Variants in TENM3 observed in about 807,000 individuals in gnomAD.
TENM3 encodes teneurin-3.
A neutral mutation model predicts 255.1 loss-of-function variants in TENM3; 63 were observed. That is an observed-to-expected ratio of 0.25 (90% confidence interval 0.20 to 0.30). The LOEUF is 0.30. TENM3 is among the 10% of genes least tolerant of loss of function. The pLI, the probability that TENM3 is intolerant of heterozygous loss-of-function variation, is 1.00. For synonymous variants in TENM3, 1,306 were observed against 1,322.3 expected (o/e 0.99, Z 0.27); for missense variants, 2,929 against 3,461.1 (o/e 0.85, Z 3.86).
chr4:182,390,046 AT>A (rs1768318564), intron 3 of TENM3, among the ~76,000 whole-genome samples: 1 of 152,174 alleles, frequency 6.6e-6, no homozygotes, highest in Non-Finnish European at 1.5e-5. Flanking sequence ...GAGGGTGCAC[AT>A]AGCCCACCTC....
At chr4:181,805,499 A>G in the TENM3 span, among the ~76,000 whole-genome samples, 1 of 152,132 alleles carries the variant, frequency 6.6e-6, no homozygotes, top group Non-Finnish European at 1.5e-5. Context: ...ATTTCCTTGC[A>G]GAATCCGCAG....
the TENM3 span, among the ~76,000 whole-genome samples, chr4:181,599,261 CTTCG>C: frequency 1.3e-5 from 2 of 152,192 alleles, no homozygotes; most frequent in Non-Finnish European, 2.9e-5. Context: ...CCATTATTCC[CTTCG>C]TTCTGTGCAA....
At position 182,792,422 on chromosome 4, in the gene TENM3, C is replaced by T; in HGVS notation, c.5750C>T (p.Pro1917Leu). ...GGCTACTACCGCAACATATACAACCCCCCGGAAAGCAACGCCTCCATCATC... is the reference window on the plus strand; with the variant it reads ...GGCTACTACCGCAACATATACAACCTCCCGGAAAGCAACGCCTCCATCATC... ...SIGYYRNIYN[P>L]PESNASIITD... Residue 1917 changes from proline to leucine, a missense_variant, in exon 26 of 28, where the codon CCC (proline) becomes CTC (leucine). Transcript: ENST00000511685. This position sits in a 1 kb window ranked among gnomAD's most constrained non-coding sequence, Gnocchi z 6.3. 6.2e-7 allele frequency: 1 copy of T among 1,614,050 alleles called. No individual in the cohort carries two copies.
intron 4 of TENM3, among the ~76,000 whole-genome samples, chr4:182,605,034 G>A (rs1748272577): frequency 6.6e-6 from 1 of 152,120 alleles, no homozygotes; most frequent in Non-Finnish European, 1.5e-5. Flanking sequence ...TCTTTAAAAT[G>A]GTTGTAGGGA....
intron 12 of TENM3, among the ~76,000 whole-genome samples, chr4:182,690,107 A>G (rs1295031720): frequency 6.6e-6 from 1 of 151,596 alleles, no homozygotes; most frequent in Non-Finnish European, 1.5e-5. Context: ...AAATTTCCAG[A>G]TGCCAGCCAA....
chr4:181,448,888 T>A, the TENM3 span, among the ~76,000 whole-genome samples: 1 of 152,208 alleles, frequency 6.6e-6, no homozygotes, highest in African/African-American at 2.4e-5. Flanking sequence ...TATTAGACAC[T>A]TTATAAACAA....
At chr4:182,191,245 A>G (rs1416375595) in intron 1 of TENM3, among the ~76,000 whole-genome samples, 1 of 152,154 alleles carries the variant, frequency 6.6e-6, no homozygotes, top group African/African-American at 2.4e-5. Context: ...TAGCATTCAA[A>G]GCTCTCTTTA....
In TENM3 at chr4:182,653,870, T is replaced by G; in HGVS notation, c.1088T>G (p.Val363Gly). Residue 363 changes from valine to glycine, a missense_variant, in exon 6 of 28, where the codon GTG (valine) becomes GGG (glycine). This residue lies in a region of TENM3 where 1,608 missense variants were observed against 1,884.4 expected (regional missense o/e 0.85). Coordinates refer to ENST00000511685, the MANE Select transcript of TENM3 (RefSeq NM_001080477.4). ...VNSDTMPTNT[V>G]SLPSGDNGKL... ...TCTGATACCATGCCAACAAACACTGTGTCATTACCTTCTGGAGACAATGGT... is the reference window on the plus strand; with the variant it reads ...TCTGATACCATGCCAACAAACACTGGGTCATTACCTTCTGGAGACAATGGT... The G allele has an allele frequency of 6.2e-7, 1 of 1,612,638 alleles. No homozygotes were observed. The highest frequency in any genetic ancestry group is 8.5e-7 in the Non-Finnish European group (1 of 1,179,280).
At chr4:181,568,511 T>C in the TENM3 span, among the ~76,000 whole-genome samples, 23 of 152,192 alleles carry the variant, frequency 1.5e-4, no homozygotes, top group African/African-American at 5.3e-4. Flanking sequence ...CTTTTACTGC[T>C]ACCATCTTGG....
intron 3 of TENM3, among the ~76,000 whole-genome samples, chr4:182,476,133 C>T (rs926007646): frequency 2.0e-5 from 3 of 152,158 alleles, no homozygotes; most frequent in Non-Finnish European, 4.4e-5. Flanking sequence ...ATGACCTACA[C>T]TTGATTAAGT....
the TENM3 span, among the ~76,000 whole-genome samples, chr4:181,862,679 C>T: frequency 6.6e-6 from 1 of 152,070 alleles, no homozygotes; most frequent in African/African-American, 2.4e-5. Flanking sequence ...GGAATAAAAA[C>T]GATGTGTTTT....
At chr4:181,530,323 A>T in the TENM3 span, among the ~76,000 whole-genome samples, 1 of 152,224 alleles carries the variant, frequency 6.6e-6, no homozygotes, top group Non-Finnish European at 1.5e-5. Flanking sequence ...TATTTCAAGT[A>T]ATGATCTTAG....
At chr4:182,607,077 A>G (rs1748506775) in intron 4 of TENM3, among the ~76,000 whole-genome samples, 1 of 152,216 alleles carries the variant, frequency 6.6e-6, no homozygotes, top group South Asian at 2.1e-4. Context: ...ACTCAAAATG[A>G]TTTATAAGTG....
At chr4:181,545,915 T>C in the TENM3 span, among the ~76,000 whole-genome samples, 1 of 152,150 alleles carries the variant, frequency 6.6e-6, no homozygotes. Context: ...ATAAAGAAGA[T>C]CCACTGAGAA....
chr4:182,107,819 C>T, the TENM3 span, among the ~76,000 whole-genome samples: 3,677 of 152,208 alleles, frequency 0.024, 136 homozygotes, highest in African/African-American at 0.084. Flanking sequence ...CAGTCAGAGC[C>T]ACTGTATAAC....
chr4:182,666,975 C>T (rs1027443002), intron 6 of TENM3, among the ~76,000 whole-genome samples: 2 of 152,050 alleles, frequency 1.3e-5, no homozygotes, highest in Non-Finnish European at 2.9e-5. Flanking sequence ...TTTATATGCA[C>T]TGGTAAACCA....
chr4:182,077,192 T>C, the TENM3 span, among the ~76,000 whole-genome samples: 2 of 152,190 alleles, frequency 1.3e-5, no homozygotes, highest in Non-Finnish European at 2.9e-5. Flanking sequence ...CAGAGTCTTT[T>C]GTTCTAAAAT....
At chr4:181,605,568 A>AAGAG in the TENM3 span, among the ~76,000 whole-genome samples, 156 of 42,148 alleles carry the variant, frequency 3.7e-3, 16 homozygotes, top group Middle Eastern at 0.013. Flanking sequence ...GAAAGAAAGA[A>AAGAG]AGAGAGAGAA....
At chr4:181,723,472 T>C in the TENM3 span, among the ~76,000 whole-genome samples, 1 of 152,022 alleles carries the variant, frequency 6.6e-6, no homozygotes, top group Non-Finnish European at 1.5e-5. Flanking sequence ...TGTATTTCTG[T>C]TGGATATCTG....
Sources: allele counts gnomAD v4.1 joint callset (sites outside exome capture counted in the v4.1 genomes callset), GRCh38; gene constraint gnomAD v4.1.1; regional missense constraint gnomAD v4.1.1; non-coding constraint Gnocchi (gnomAD v3.1); transcripts MANE v1.5; gene names NCBI Gene and HGNC (gene_info 2026-07-23, HGNC 2026-07-21).